Variants in ANKRD30BL observed in about 807,000 individuals in gnomAD.
ANKRD30BL encodes the protein putative ankyrin repeat domain-containing protein 30B-like.
In ANKRD30BL, 20 loss-of-function variants were observed where a neutral mutation model predicts 18.4. The observed-to-expected ratio is 1.09, with a 90% CI of 0.77 to 1.58. The LOEUF is 1.58. Among genes scored for constraint, ANKRD30BL ranks in the 40% most tolerant of loss-of-function variants. ANKRD30BL has a pLI of 0.00. For missense variants in ANKRD30BL, 224 were observed against 268.6 expected (o/e 0.83, Z 1.16); for synonymous variants, 72 against 100.9 (o/e 0.71, Z 1.72).
At chr2:132,215,248 A>T (rs1329294651) in intron 1 of ANKRD30BL, among the ~76,000 whole-genome samples, 2,922 of 131,770 alleles carry the variant, frequency 0.022, no homozygotes, top group African/African-American at 0.086. Context: ...CATCTCACAG[A>T]GTTGAACATT....
intron 1 of ANKRD30BL, among the ~76,000 whole-genome samples, chr2:132,203,076 C>T (rs918532974): frequency 1.6e-3 from 229 of 147,180 alleles, no homozygotes; most frequent in African/African-American, 5.8e-3. Context: ...TTTTGTAGCC[C>T]GTTCTATTTT....
chr2:132,253,418 C>G (rs1443883135), intron 1 of ANKRD30BL: 1 of 152,532 alleles, frequency 6.6e-6, no homozygotes, highest in African/African-American at 2.4e-5. Context: ...CTGGACCAGA[C>G]TCCAGAGAGG....
chr2:132,257,305 G>A (rs1379223549), intron 1 of ANKRD30BL, among the ~76,000 whole-genome samples: 3 of 152,368 alleles, frequency 2.0e-5, no homozygotes, highest in African/African-American at 7.2e-5. Flanking sequence ...TGCTCTGCAG[G>A]GGAGCGGGCA....
At chr2:132,156,833 C>G (rs2104925433) in intron 3 of ANKRD30BL, 140 bp downstream of exon 3, 2 of 417,310 alleles carry the variant, frequency 4.8e-6, no homozygotes, top group African/African-American at 2.1e-5. Flanking sequence ...AAGCAAAATC[C>G]TAGACAATTA....
intron 1 of ANKRD30BL, among the ~76,000 whole-genome samples, chr2:132,160,703 C>T (rs1185122481): frequency 2.0e-5 from 3 of 152,158 alleles, no homozygotes; most frequent in Admixed American, 1.3e-4. Context: ...GCTGGGATTA[C>T]AGGCATGATC....
chr2:132,224,450 C>G (rs141520965), intron 1 of ANKRD30BL, among the ~76,000 whole-genome samples: 1 of 151,866 alleles, frequency 6.6e-6, no homozygotes, highest in African/African-American at 2.4e-5. Context: ...CGCTTTGAGG[C>G]CTTTGTTGGA....
chr2:132,149,710 A>C (rs1573794550), intron 5 of ANKRD30BL, among the ~76,000 whole-genome samples: 1 of 152,208 alleles, frequency 6.6e-6, no homozygotes, highest in Non-Finnish European at 1.5e-5. Flanking sequence ...CTAGGAGCCC[A>C]CTAATAGACA....
intron 1 of ANKRD30BL, among the ~76,000 whole-genome samples, chr2:132,230,220 G>C (rs1230257571): frequency 6.6e-6 from 1 of 151,996 alleles, no homozygotes; most frequent in Non-Finnish European, 1.5e-5. Flanking sequence ...CGTTTTCATA[G>C]AGCAGTTTTG....
chr2:132,163,778 C>T (rs1327382626), upstream of ANKRD30BL, among the ~76,000 whole-genome samples: 1 of 152,198 alleles, frequency 6.6e-6, no homozygotes, highest in Admixed American at 6.5e-5. Context: ...ACACAATGCC[C>T]AGCCCCAGGG....
At chr2:132,231,835 C>A (rs1680027069) in intron 1 of ANKRD30BL, among the ~76,000 whole-genome samples, 1 of 152,226 alleles carries the variant, frequency 6.6e-6, no homozygotes, top group Non-Finnish European at 1.5e-5. Context: ...GTGGAGCCCA[C>A]CACAGCTCAA....
chr2:132,235,308 A>G (rs1680124679), intron 1 of ANKRD30BL, among the ~76,000 whole-genome samples: 1 of 152,180 alleles, frequency 6.6e-6, no homozygotes, highest in African/African-American at 2.4e-5. Context: ...CACCACTCCT[A>G]TTCAACATAG....
At chr2:132,209,927 A>T (rs1193664898) in intron 1 of ANKRD30BL, among the ~76,000 whole-genome samples, 1 of 152,090 alleles carries the variant, frequency 6.6e-6, no homozygotes, top group African/African-American at 2.4e-5. Context: ...CACAGAGTTG[A>T]AACTTTGTTT....
intron 1 of ANKRD30BL, among the ~76,000 whole-genome samples, chr2:132,220,508 C>A (rs995703347): frequency 5.3e-5 from 8 of 152,024 alleles, no homozygotes; most frequent in Non-Finnish European, 8.8e-5. Flanking sequence ...TGATTGCAGG[C>A]GCGCGTCGCC....
intron 1 of ANKRD30BL, among the ~76,000 whole-genome samples, chr2:132,254,440 C>T (rs1680763402): frequency 6.6e-6 from 1 of 152,250 alleles, no homozygotes; most frequent in Non-Finnish European, 1.5e-5. Flanking sequence ...AGCGTTCCGC[C>T]AGGGCAGTGG....
intron 1 of ANKRD30BL, among the ~76,000 whole-genome samples, chr2:132,222,669 A>T (rs1437786315): frequency 6.6e-6 from 1 of 151,642 alleles, no homozygotes; most frequent in African/African-American, 2.4e-5. Context: ...CCACTCCCTA[A>T]TCTTAAGTAC....
intron 4 of ANKRD30BL, chr2:132,152,769 G>C (rs1687794311): frequency 6.6e-6 from 1 of 152,108 alleles, no homozygotes; most frequent in African/African-American, 2.4e-5. Flanking sequence ...ATATTGGCTA[G>C]AGAAAATAGA....
chr2:132,239,637 T>C (rs1680254975), intron 1 of ANKRD30BL, among the ~76,000 whole-genome samples: 1 of 151,738 alleles, frequency 6.6e-6, no homozygotes, highest in Non-Finnish European at 1.5e-5. Context: ...AACGGGATTA[T>C]CTTCACATAA....
chr2:132,241,292 C>A (rs1029051975), intron 1 of ANKRD30BL, among the ~76,000 whole-genome samples: 2 of 151,892 alleles, frequency 1.3e-5, no homozygotes, highest in African/African-American at 4.8e-5. Flanking sequence ...TTTGTACAAT[C>A]TGCAAGTGGA....
intron 1 of ANKRD30BL, among the ~76,000 whole-genome samples, chr2:132,172,732 G>A (rs951750666): frequency 2.7e-5 from 4 of 150,470 alleles, no homozygotes; most frequent in African/African-American, 9.8e-5. Context: ...TTTTGAGATG[G>A]AGTCTTACTC....
Sources: allele counts gnomAD v4.1 joint callset (sites outside exome capture counted in the v4.1 genomes callset), GRCh38; gene constraint gnomAD v4.1.1; transcripts MANE v1.5; gene names NCBI Gene and HGNC (gene_info 2026-07-23, HGNC 2026-07-21).